Variants in EIF3L observed in about 807,000 individuals in gnomAD.
EIF3L encodes the protein eukaryotic translation initiation factor 3 subunit L.
EIF3L carries 32 observed loss-of-function variants against 74.6 expected under a neutral mutation model. The ratio of observed to expected loss-of-function variants is 0.43; its 90% CI spans 0.32 to 0.58. EIF3L has a LOEUF of 0.58. EIF3L is among the 20% of genes least tolerant of loss of function. EIF3L has a pLI of 0.06. For missense variants in EIF3L, 474 were observed against 707.8 expected (o/e 0.67, Z 3.75); for synonymous variants, 256 against 254.4 (o/e 1.01, Z -0.06).
At chr22:37,862,937 C>G in intron 5 of EIF3L, 32 bp from the exon 6 acceptor site, 1 of 1,527,742 alleles carries the variant, frequency 6.5e-7, no homozygotes, top group Non-Finnish European at 9.0e-7. Context: ...AATTAAATAT[C>G]TGTATCTTGA....
Position 37,862,969 on chromosome 22 carries a change from G to C in EIF3L, c.436G>C (p.Gly146Arg). 1 of 1,609,278 alleles carries C rather than the reference G, an allele frequency of 6.2e-7. No homozygotes were observed. Among genetic ancestry groups the C allele is most frequent in the Non-Finnish European group, 8.5e-7 (1 of 1,177,622 alleles). ...TTGATATCTCTTGTTTTCTTTACAG[G>C]GGGGACCTTCCTTGGAGCAGAGGTT... The part of the protein sequence containing the change: ...YYRHIYAKVS[G>R]GPSLEQRFES... Residue 146 changes from glycine to arginine, a missense_variant and splice_region_variant, in exon 6 of 13, where the codon GGG becomes CGG. Gly to Arg is a moderately radical substitution (Grantham distance 125, BLOSUM62 -2). Transcript: ENST00000652021.
chr22:37,856,771 A>G (rs530323865), intron 4 of EIF3L, among the ~76,000 whole-genome samples: 6 of 151,492 alleles, frequency 4.0e-5, no homozygotes, highest in African/African-American at 1.5e-4. Context: ...TTGAACCCGG[A>G]AGGCAGAGGT....
intron 7 of EIF3L, 99 bp downstream of exon 7, chr22:37,863,444 C>A: frequency 2.0e-6 from 2 of 1,012,276 alleles, no homozygotes; most frequent in Non-Finnish European, 1.5e-6. Flanking sequence ...GTAAAAATAT[C>A]CCCATTGTAG....
At chr22:37,859,622 TCCGC>T (rs1236958674) in intron 5 of EIF3L, among the ~76,000 whole-genome samples, 1 of 151,622 alleles carries the variant, frequency 6.6e-6, no homozygotes, top group African/African-American at 2.4e-5. Flanking sequence ...GACCTCGTGT[TCCGC>T]CCGCCTTGGC....
intron 9 of EIF3L, among the ~76,000 whole-genome samples, chr22:37,874,761 G>T (rs1926654401): frequency 6.6e-6 from 1 of 152,040 alleles, no homozygotes. Flanking sequence ...ATGGCAGCTT[G>T]CTCTGTCACC....
chr22:37,849,436 C>T lies in EIF3L; in HGVS notation c.-14C>T, dbSNP rs370484304. 1 of 1,613,814 alleles carries T rather than the reference C, an allele frequency of 6.2e-7. No individual in the cohort carries two copies. The highest frequency in any genetic ancestry group is 1.3e-5 in the African/African-American group (1 of 74,944). ...ATTTCGCTCTTTCCGGCGGTGCTCG[C>T]AAGCGAGGCAGCCATGTCTTATCCC... On this transcript the variant is annotated 5_prime_UTR_variant, in exon 1 of 13. Transcript: ENST00000652021.
chr22:37,866,021 C>A (rs1056951849), intron 7 of EIF3L, among the ~76,000 whole-genome samples: 2 of 152,118 alleles, frequency 1.3e-5, no homozygotes, highest in Non-Finnish European at 2.9e-5. Flanking sequence ...GGCTCTTCCT[C>A]GCCACCCTGT....
At chr22:37,888,141 C>A in intron 12 of EIF3L, 1 of 355,660 alleles carries the variant, frequency 2.8e-6, no homozygotes, top group South Asian at 8.1e-5. Context: ...AACTAGTAAC[C>A]TTGAAACGTC....
At position 37,850,082 on chromosome 22, in the gene EIF3L, C is replaced by G. The variant is rs1217631833; in HGVS notation, c.82+19C>G. 4.3e-6 allele frequency: 7 copies of G among 1,613,132 alleles called. No homozygotes were observed. The highest frequency in any genetic ancestry group is 5.1e-6 in the Non-Finnish European group (6 of 1,179,280). Reference sequence around the variant, plus strand: ...CACACAGGTGAGACCACGGGTTAGGCTGGCTGAGTACTCGTAGGGATCAGT... The same window carrying G: ...CACACAGGTGAGACCACGGGTTAGGGTGGCTGAGTACTCGTAGGGATCAGT... On this transcript the variant is annotated intron_variant, in intron 2 of 12. Transcript: ENST00000652021.
chr22:37,851,440 T>C lies in EIF3L; in HGVS notation c.243T>C (p.Ser81=). ...VYELQASRVS[S]DVIDQKVYEI... ...AGCTACAGGCCAGTCGTGTCTCCAG[T>C]GATGTCATTGACCAGAAGGTGTATG... The change falls in exon 3 of 13, where the codon AGT becomes AGC. Residue 81 remains serine, a synonymous_variant. Coordinates refer to ENST00000652021, the MANE Select transcript of EIF3L (RefSeq NM_016091.4). The C allele has an allele frequency of 6.2e-7, 1 of 1,614,044 alleles. No homozygotes were observed. The highest frequency in any genetic ancestry group is 8.5e-7 in the Non-Finnish European group (1 of 1,179,998).
At chr22:37,849,741 A>G in intron 1 of EIF3L, 1 of 602,082 alleles carries the variant, frequency 1.7e-6, no homozygotes, top group Non-Finnish European at 2.9e-6. Flanking sequence ...GTGTTTCTGC[A>G]CCTGAGTTTT....
At chr22:37,853,614 T>TA (rs1250038171) in intron 3 of EIF3L, among the ~76,000 whole-genome samples, 3 of 152,162 alleles carry the variant, frequency 2.0e-5, no homozygotes, top group Non-Finnish European at 2.9e-5. Context: ...CTCTCAAAAT[T>TA]AAAAAATGGA....
intron 5 of EIF3L, 37 bp downstream of exon 5, chr22:37,858,777 T>C (rs1302653882): frequency 8.9e-6 from 14 of 1,571,104 alleles, no homozygotes; most frequent in Middle Eastern, 3.3e-4. Flanking sequence ...TTTTTGTTTT[T>C]GTTTTTTTAA....
chr22:37,861,503 G>A (rs1006217347), intron 5 of EIF3L, among the ~76,000 whole-genome samples: 1 of 152,052 alleles, frequency 6.6e-6, no homozygotes, highest in African/African-American at 2.4e-5. Flanking sequence ...GACCAATATG[G>A]TGAAACCCCG....
chr22:37,857,548 T>TC lies in EIF3L; in HGVS notation c.374-1126dup, dbSNP rs567075759. Among the ~76,000 whole-genome samples the TC allele has an allele frequency of 3.2e-4, 49 of 151,412 alleles. 1 individual carries two copies. The highest frequency in any genetic ancestry group is 6.3e-4 in the South Asian group (3 of 4,786). ...TTGAACACTTAACTCCTTTTTTTTT[T>TC]CCCCCTAAGATGGAGTCACGGAGTC... is the stretch of plus-strand genomic sequence containing the variant. On this transcript the variant is annotated intron_variant, in intron 4 of 12. Coordinates refer to ENST00000652021, the MANE Select transcript of EIF3L (RefSeq NM_016091.4).
At chr22:37,877,000 C>T (rs1003496122) in intron 10 of EIF3L, 32 of 152,302 alleles carry the variant, frequency 2.1e-4, no homozygotes, top group African/African-American at 7.5e-4. Flanking sequence ...AAAGTATAGT[C>T]CTGTGTCATT....
At chr22:37,854,722 C>T (rs569630541) in intron 3 of EIF3L, among the ~76,000 whole-genome samples, 1 of 152,320 alleles carries the variant, frequency 6.6e-6, no homozygotes, top group African/African-American at 2.4e-5. Context: ...CCGCCTCAGC[C>T]TCCCAAAGTG....
intron 10 of EIF3L, chr22:37,877,156 C>A (rs375195631): frequency 6.4e-6 from 1 of 155,678 alleles, no homozygotes. Flanking sequence ...TGGCTACAAA[C>A]GTCTAGAACA....
At position 37,855,579 on chromosome 22, in the gene EIF3L, C is replaced by A; in HGVS notation, c.308C>A (p.Thr103Asn). 2 of 1,614,150 alleles carry A rather than the reference C, an allele frequency of 1.2e-6. No individual in the cohort carries two copies. The highest frequency in any genetic ancestry group is 2.2e-5 in the South Asian group (2 of 91,086). ...TTGATTTTTAGCTGGACCAAGCTGA[C>A]TGAAAGATTCTTCAAGAATACACCT... is the stretch of plus-strand genomic sequence containing the variant. ...DIYENSWTKL[T>N]ERFFKNTPWP... is the part of the protein sequence containing the mutation. The change falls in exon 4 of 13, where the codon ACT (threonine) becomes AAT (asparagine). Residue 103 changes from threonine (T) to asparagine (N), a missense_variant. This residue lies in a region of EIF3L where 141 missense variants were observed against 197.7 expected (regional missense o/e 0.71). Transcript: ENST00000652021.
Sources: gnomAD v4.1 joint callset for allele counts (sites outside exome capture counted in the v4.1 genomes callset) on GRCh38, gnomAD v4.1.1 for gene constraint, gnomAD v4.1.1 regional missense constraint, MANE v1.5 for transcripts, NCBI Gene and HGNC (gene_info 2026-07-23, HGNC 2026-07-21) for gene names.